The following CHD1L variants were observed in gnomAD, a reference collection of about 807,000 sequenced individuals.
CHD1L encodes the protein ATP-dependent chromatin remodeler CHD1L.
CHD1L carries 118 observed loss-of-function variants against 115.9 expected under a neutral mutation model. The observed-to-expected ratio is 1.02, with a 90% CI of 0.88 to 1.19. The LOEUF is 1.19. Among genes scored for constraint, CHD1L ranks in the 50% most tolerant of loss-of-function variants. The probability of loss-of-function intolerance (pLI) is 0.00; values close to 1 mark genes in which losing one functional copy is unlikely to be tolerated. For synonymous variants in CHD1L, 411 were observed against 387.1 expected, an observed-to-expected ratio of 1.06 and a Z score of -0.72; for missense variants, 1,179 against 1,065.3, an observed-to-expected ratio of 1.11 and a Z score of -1.49.
At chr1:147,217,630 T>C in the CHD1L span, among the ~76,000 whole-genome samples, 7 of 152,226 alleles carry the variant, frequency 4.6e-5, no homozygotes, top group Non-Finnish European at 8.8e-5. Flanking sequence ...CTCTGACCTA[T>C]AATCCAACAT....
chr1:147,235,602 C>T, the CHD1L span, among the ~76,000 whole-genome samples: 2 of 152,222 alleles, frequency 1.3e-5, no homozygotes, highest in East Asian at 3.9e-4. Context: ...ACATGTGCAA[C>T]AGAACCCAGA....
At chr1:147,259,368 A>G (rs1342773168) in intron 5 of CHD1L, 1 of 152,490 alleles carries the variant, frequency 6.6e-6, no homozygotes, top group African/African-American at 2.4e-5. Flanking sequence ...CTACAACACC[A>G]CTGTCTATCT....
At chr1:147,182,657 A>C in the CHD1L span, among the ~76,000 whole-genome samples, 1 of 152,172 alleles carries the variant, frequency 6.6e-6, no homozygotes, top group Admixed American at 6.5e-5. Context: ...TAAAATCTTT[A>C]CTGAATGAAG....
At chr1:147,263,585 C>T (rs1470364896) in intron 6 of CHD1L, among the ~76,000 whole-genome samples, 1 of 152,038 alleles carries the variant, frequency 6.6e-6, no homozygotes, top group Non-Finnish European at 1.5e-5. Context: ...TGACCTTCTA[C>T]TTCATGTCTC....
At position 147,242,844 on chromosome 1, in the gene CHD1L, G is replaced by A; in HGVS notation, c.127+14G>A. The A allele has an allele frequency of 7.9e-7, 1 of 1,273,106 alleles. No individual in the cohort carries two copies. The highest frequency in any genetic ancestry group is 1.0e-6 in the Non-Finnish European group (1 of 1,002,978). The allele number at this position is 1,273,106 out of a possible 1,614,324, so 78.9% of individuals were successfully genotyped here. A position where few individuals can be genotyped will look rare whatever the true frequency, so the allele number is the denominator to read the frequency against. On this transcript the variant is annotated intron_variant, in intron 1 of 22. Coordinates refer to ENST00000369258, the MANE Select transcript of CHD1L (RefSeq NM_004284.6). Reference sequence around the variant, plus strand: ...GGGGGCTGACAGGTGAGCGGGCTCCGGGCGGACTTCGGCCAGGCGGGCCAA... The same window carrying A: ...GGGGGCTGACAGGTGAGCGGGCTCCAGGCGGACTTCGGCCAGGCGGGCCAA...
At chr1:147,197,559 CTGAG>C in the CHD1L span, among the ~76,000 whole-genome samples, 1 of 152,054 alleles carries the variant, frequency 6.6e-6, no homozygotes, top group Non-Finnish European at 1.5e-5. Context: ...TCTCATGATA[CTGAG>C]TGAGTTCTCA....
the CHD1L span, chr1:147,204,314 T>C: frequency 1.0e-6 from 1 of 962,954 alleles, no homozygotes; most frequent in Non-Finnish European, 1.7e-6. Flanking sequence ...CAGCCCAGAA[T>C]TTTACAAACT....
At chr1:147,266,803 T>C (rs1306668974) in intron 8 of CHD1L, among the ~76,000 whole-genome samples, 1 of 152,230 alleles carries the variant, frequency 6.6e-6, no homozygotes, top group African/African-American at 2.4e-5. Context: ...CTGAGATTGG[T>C]AAGAACAAAT....
In CHD1L at chr1:147,287,738, G is replaced by C; in HGVS notation, c.2320+5G>C. The C allele has an allele frequency of 1.2e-6, 2 of 1,613,000 alleles. No individual in the cohort carries two copies. The highest frequency in any genetic ancestry group is 1.7e-6 in the Non-Finnish European group (2 of 1,179,418). On this transcript the variant is annotated splice_donor_5th_base_variant and intron_variant, in intron 19 of 22. Transcript: ENST00000369258. ...AGCTGGCTGGGAAAATGAAAGGTAAGAAGCAAAGCAGAGGGAAAGGTTAAG... is the reference window on the plus strand; with the variant it reads ...AGCTGGCTGGGAAAATGAAAGGTAACAAGCAAAGCAGAGGGAAAGGTTAAG...
chr1:147,262,615 T>G (rs782156468), intron 6 of CHD1L, among the ~76,000 whole-genome samples: 1 of 152,100 alleles, frequency 6.6e-6, no homozygotes, highest in Non-Finnish European at 1.5e-5. Flanking sequence ...AACATTACTT[T>G]TGACAAGTTC....
chr1:147,271,703 C>T (rs1331074741), intron 11 of CHD1L, among the ~76,000 whole-genome samples: 1 of 152,142 alleles, frequency 6.6e-6, no homozygotes, highest in African/African-American at 2.4e-5. Context: ...ACAGCCTGAT[C>T]CTGTAGCTCC....
the CHD1L span, among the ~76,000 whole-genome samples, chr1:147,233,472 G>T: frequency 5.0e-5 from 2 of 39,974 alleles, no homozygotes; most frequent in South Asian, 1.0e-3. Context: ...GAGGGAGGTG[G>T]GGGGGGTCAG....
rs1180698646 is a variant in CHD1L, at chr1:147,278,751, G to C, written c.1540-1275G>C. 2.0e-5 allele frequency among the ~76,000 whole-genome samples: 3 copies of C among 152,080 alleles called. No individual in the cohort carries two copies. In the South Asian group the frequency reaches 6.2e-4, roughly 31 times the overall value. Reference sequence around the variant, plus strand: ...GAGGTGCTCTTTTCCAGTTGTTTCAGTAAATAAGAATAACAGCAGGATGAG... The same window carrying C: ...GAGGTGCTCTTTTCCAGTTGTTTCACTAAATAAGAATAACAGCAGGATGAG... On this transcript the variant is annotated intron_variant, in intron 14 of 22. Transcript: ENST00000369258.
At chr1:147,254,847 G>C (rs1669558223) in intron 2 of CHD1L, 23 bp from the exon 3 acceptor site, 2 of 1,538,840 alleles carry the variant, frequency 1.3e-6, no homozygotes, top group African/African-American at 2.8e-5. Flanking sequence ...GATCAAAACT[G>C]CCTTTCTTTT....
chr1:147,178,158 TCTCGCCGCGGCCCGCCTCGCGGCTGC>T, the CHD1L span: 1 of 1,609,542 alleles, frequency 6.2e-7, no homozygotes. Context: ...TGGCGCTGCT[TCTCGCCGCGGCCCGCCTCGCGGCTGC>T]CTCCGACGTG....
the CHD1L span, among the ~76,000 whole-genome samples, chr1:147,219,741 TAA>T: frequency 7.5e-6 from 1 of 132,860 alleles, no homozygotes; most frequent in Non-Finnish European, 1.6e-5. Flanking sequence ...CCCAAAGGAT[TAA>T]AAAAAAAAAG....
the CHD1L span, among the ~76,000 whole-genome samples, chr1:147,185,416 GGTCC>G: frequency 2.8e-4 from 42 of 152,010 alleles, no homozygotes; most frequent in Non-Finnish European, 5.0e-4. Context: ...AAAAATACTA[GGTCC>G]ATTTTAATAG....
chr1:147,243,745 T>G (rs587653281), intron 1 of CHD1L, among the ~76,000 whole-genome samples: 2 of 152,314 alleles, frequency 1.3e-5, no homozygotes, highest in African/African-American at 4.8e-5. Flanking sequence ...TGGGAGCGTA[T>G]TCTTAGGCAT....
At chr1:147,273,399 T>C (rs782479293) in intron 12 of CHD1L, among the ~76,000 whole-genome samples, 5 of 152,212 alleles carry the variant, frequency 3.3e-5, no homozygotes, top group Admixed American at 1.3e-4. Flanking sequence ...TAAGGGTATA[T>C]GAAAGAAGTG....
Sources: gnomAD v4.1 joint callset for allele counts (sites outside exome capture counted in the v4.1 genomes callset) on GRCh38, gnomAD v4.1.1 for gene constraint, MANE v1.5 for transcripts, NCBI Gene and HGNC (gene_info 2026-07-23, HGNC 2026-07-21) for gene names.